ABRACL: variants seen among roughly 807,000 people sequenced by gnomAD.
ABRACL encodes costars family protein ABRACL.
Under a neutral mutation model 7.0 loss-of-function variants are expected in ABRACL, and 4 were observed. The observed-to-expected ratio is 0.57, with a 90% CI of 0.28 to 1.30. The LOEUF (loss-of-function observed/expected upper bound fraction) is 1.30, where lower values mean the gene tolerates loss of function less well. ABRACL is among the 50% of genes most tolerant of loss of function. The pLI is 0.10. For synonymous variants in ABRACL, 30 were observed against 36.0 expected (o/e 0.83, Z 0.60); for missense variants, 104 against 97.3 (o/e 1.07, Z -0.29).
rs1297906180 is a variant in ABRACL at position 139,041,447 on chromosome 6, C to CTATA, written c.62-1271_62-1270insATAT. On this transcript the variant is annotated intron_variant, in intron 2 of 2. Transcript: ENST00000367660. ...CCCATCTCTCTCTCTCTCTCTCTCT[C>CTATA]TCTCTATATATATATATATATATTT... 6.5e-3 allele frequency among the ~76,000 whole-genome samples: 436 copies of CTATA among 66,800 alleles called. 3 individuals carry two copies. Among genetic ancestry groups the CTATA allele is most frequent in the African/African-American group, 0.011 (275 of 24,788 alleles). The allele number at this position is 66,800 out of a possible 152,430, so 43.8% of individuals were successfully genotyped here.
At chr6:139,037,462 T>C (rs1257834536) in intron 2 of ABRACL, among the ~76,000 whole-genome samples, 1 of 152,176 alleles carries the variant, frequency 6.6e-6, no homozygotes, top group Non-Finnish European at 1.5e-5. Context: ...GGTTTTGCCA[T>C]GTTGGCCAGG....
intron 2 of ABRACL, among the ~76,000 whole-genome samples, chr6:139,042,013 G>C (rs897988394): frequency 5.3e-5 from 8 of 152,136 alleles, no homozygotes; most frequent in African/African-American, 1.9e-4. Context: ...TGCAGTAGAG[G>C]GGTAGGAAGA....
At position 139,034,215 on chromosome 6, in the gene ABRACL, T is replaced by TCA; in HGVS notation, c.56_57dup (p.Lys20GlnfsTer8). On this transcript the variant is annotated frameshift_variant, in exon 2 of 3. Coordinates refer to ENST00000367660, the MANE Select transcript of ABRACL (RefSeq NM_021243.3). LOFTEE classifies it high-confidence loss of function. The stretch of plus-strand genomic sequence containing the variant: ...AGTGGAGGAAATTCATCGTTTGGGT[T>TCA]CAAAAAGTAAGTATCTGACAGAGAT... 6.2e-7 allele frequency: 1 copy of TCA among 1,614,182 alleles called. No individual in the cohort carries two copies. The highest frequency in any genetic ancestry group is 1.3e-5 in the African/African-American group (1 of 75,046).
intron 1 of ABRACL, among the ~76,000 whole-genome samples, chr6:139,032,246 G>A (rs1054938718): frequency 1.3e-5 from 2 of 152,072 alleles, no homozygotes; most frequent in Admixed American, 1.3e-4. Context: ...TTACAGGCGC[G>A]AGCCACCGCG....
intron 2 of ABRACL, among the ~76,000 whole-genome samples, chr6:139,038,924 T>TA (rs199820964): frequency 0.012 from 1,775 of 152,188 alleles, 41 homozygotes; most frequent in African/African-American, 0.04. Flanking sequence ...TTCTTCACAT[T>TA]AAAAAATCTC....
At position 139,042,837 on chromosome 6, in the gene ABRACL, A is replaced by G. The variant is rs766149541; in HGVS notation, c.180A>G (p.Thr60=). 1.8e-5 allele frequency: 29 copies of G among 1,613,974 alleles called. No individual in the cohort carries two copies. Among genetic ancestry groups the G allele is most frequent in the Middle Eastern group, 3.3e-4 (2 of 6,084 alleles). ...LKAAKRRKIV[T]YPGELLLQGV... ...CTGCAAAACGAAGGAAGATTGTAAC[A>G]TATCCAGGAGAGCTGCTTCTGCAAG... Residue 60 remains threonine, a synonymous_variant, in exon 3 of 3, where the codon ACA becomes ACG. Coordinates refer to ENST00000367660, the MANE Select transcript of ABRACL (RefSeq NM_021243.3).
intron 2 of ABRACL, among the ~76,000 whole-genome samples, chr6:139,035,775 A>C (rs1236315668): frequency 6.7e-6 from 1 of 148,196 alleles, no homozygotes; most frequent in African/African-American, 2.5e-5. Flanking sequence ...GAGCCACCAC[A>C]CCCGGCCTAG....
rs748288046 is a variant in ABRACL at position 139,041,531 on chromosome 6, A to ATATAT, written c.62-1187_62-1186insATATT. 2.4e-3 allele frequency among the ~76,000 whole-genome samples: 303 copies of ATATAT among 126,018 alleles called. 6 individuals are homozygous for ATATAT. The highest frequency in any genetic ancestry group is 6.7e-3 in the African/African-American group (218 of 32,328). 82.7% of individuals were successfully genotyped at this position (126,018 alleles called of 152,430 possible). On this transcript the variant is annotated intron_variant, in intron 2 of 2. Transcript: ENST00000367660. ...TGTGTGTGTATATATATATATATAT[A>ATATAT]TTTTTTTTTAGGAGAGACATGGTCT... is the stretch of plus-strand genomic sequence containing the variant.
intron 1 of ABRACL, among the ~76,000 whole-genome samples, chr6:139,031,963 CTTTT>C (rs58012169): frequency 7.1e-6 from 1 of 141,250 alleles, no homozygotes; most frequent in Non-Finnish European, 1.6e-5. Flanking sequence ...TTTTTTCCCA[CTTTT>C]TTTTTTTTTT....
intron 2 of ABRACL, among the ~76,000 whole-genome samples, chr6:139,037,586 A>G (rs7760083): frequency 0.081 from 12,273 of 151,858 alleles, 722 homozygotes; most frequent in South Asian, 0.25. Context: ...TCCTAATCAA[A>G]GAAATCAACA....
chr6:139,031,580 T>C (rs892536965), intron 1 of ABRACL, among the ~76,000 whole-genome samples: 1 of 152,218 alleles, frequency 6.6e-6, no homozygotes, highest in Non-Finnish European at 1.5e-5. Flanking sequence ...GTCATTGTTA[T>C]ATGGCTGGAC....
At chr6:139,033,465 C>T (rs529059128) in intron 1 of ABRACL, among the ~76,000 whole-genome samples, 1 of 152,358 alleles carries the variant, frequency 6.6e-6, no homozygotes, top group African/African-American at 2.4e-5. Context: ...CTGCCTCCCC[C>T]ACTAGACTAC....
At chr6:139,034,961 A>G (rs1786132335) in intron 2 of ABRACL, among the ~76,000 whole-genome samples, 1 of 152,214 alleles carries the variant, frequency 6.6e-6, no homozygotes, top group South Asian at 2.1e-4. Context: ...TTTTGAAAAT[A>G]ATAAGAATAA....
chr6:139,034,473 T>A (rs1562219231), intron 2 of ABRACL: 4 of 1,413,588 alleles, frequency 2.8e-6, no homozygotes, highest in Non-Finnish European at 3.7e-6. Context: ...AGAAAGCAAA[T>A]TACCAAGCTT....
intron 2 of ABRACL, among the ~76,000 whole-genome samples, chr6:139,038,393 T>C (rs1420689102): frequency 6.6e-6 from 1 of 152,230 alleles, no homozygotes; most frequent in Non-Finnish European, 1.5e-5. Flanking sequence ...AGATGACTTA[T>C]TGAGTTTGAA....
chr6:139,041,824 A>T (rs577391826), intron 2 of ABRACL, among the ~76,000 whole-genome samples: 16 of 152,180 alleles, frequency 1.1e-4, no homozygotes, highest in African/African-American at 3.9e-4. Flanking sequence ...CTACCTCCTT[A>T]TGTCTGCCCC....
chr6:139,039,666 C>T (rs966112517), intron 2 of ABRACL, among the ~76,000 whole-genome samples: 1 of 152,146 alleles, frequency 6.6e-6, no homozygotes, highest in African/African-American at 2.4e-5. Context: ...ATCTTAGGCA[C>T]AGCAAGCAGT....
chr6:139,037,917 CA>C (rs766053019), intron 2 of ABRACL, among the ~76,000 whole-genome samples: 18 of 151,922 alleles, frequency 1.2e-4, no homozygotes, highest in Non-Finnish European at 2.1e-4. Flanking sequence ...GCTGGGATTA[CA>C]GGCATCTGCC....
intron 2 of ABRACL, among the ~76,000 whole-genome samples, chr6:139,041,739 A>G (rs1786256896): frequency 6.6e-6 from 1 of 151,954 alleles, no homozygotes; most frequent in Non-Finnish European, 1.5e-5. Context: ...TTATGTGTAT[A>G]GTTCTTATTT....
Sources: allele counts gnomAD v4.1 joint callset (sites outside exome capture counted in the v4.1 genomes callset), GRCh38; gene constraint gnomAD v4.1.1; transcripts MANE v1.5; gene names NCBI Gene and HGNC (gene_info 2026-07-23, HGNC 2026-07-21).